The following GRB14 variants were observed in gnomAD, a reference collection of about 807,000 sequenced individuals.
GRB14 encodes growth factor receptor-bound protein 14.
GRB14 carries 38 observed loss-of-function variants against 69.1 expected under a neutral mutation model. The observed-to-expected ratio is 0.55, with a 90% CI of 0.42 to 0.72. The LOEUF is 0.72. Ranked by LOEUF, GRB14 falls within the 30% of genes least tolerant of loss-of-function variation. GRB14 has a pLI of 0.00. For synonymous variants in GRB14, 247 were observed against 241.3 expected (o/e 1.02, Z -0.22); for missense variants, 666 against 666.1 (o/e 1.00, Z 0.00).
intron 2 of GRB14, among the ~76,000 whole-genome samples, chr2:164,610,611 C>A (rs990400213): frequency 3.3e-5 from 5 of 151,644 alleles, no homozygotes; most frequent in Admixed American, 1.3e-4. Flanking sequence ...TAATTTTATT[C>A]TAATTTAATG....
chr2:164,594,716 A>G (rs571016339), intron 2 of GRB14, among the ~76,000 whole-genome samples: 44 of 152,340 alleles, frequency 2.9e-4, no homozygotes, highest in African/African-American at 8.4e-4. Context: ...AAACCTCTTC[A>G]TAAGTGATTC....
rs144301087 is a variant in GRB14 at position 164,493,140 on chromosome 2, G to A, written c.1519C>T (p.His507Tyr). The A allele has an allele frequency of 7.5e-4, 1,209 of 1,613,240 alleles. 10 individuals are homozygous for A. The highest frequency in any genetic ancestry group is 4.3e-3 in the Middle Eastern group (26 of 6,078). The change falls in exon 14 of 14, where the codon CAC becomes TAC. Residue 507 changes from histidine (H) to tyrosine (Y), a missense_variant. His to Tyr is a moderately conservative substitution (Grantham distance 83). Coordinates refer to ENST00000263915, the MANE Select transcript of GRB14 (RefSeq NM_004490.3). ...TGTATTAGATCTGTAAATCTTGTGT[G>A]GCCATCATCCAGTGTGTGGAACATT... is the stretch of plus-strand genomic sequence containing the variant. ...GEMFHTLDDG[H>Y]TRFTDLIQLV...
In GRB14 at chr2:164,515,640, A is replaced by C. The variant is rs544871640; in HGVS notation, c.816+6340T>G. ...GAACCAGAGAAACAATACTGGTAAT[A>C]TGACAAAACAAGTTACTTCTTACCC... On this transcript the variant is annotated intron_variant, in intron 6 of 13. Coordinates refer to ENST00000263915, the MANE Select transcript of GRB14 (RefSeq NM_004490.3). Among the ~76,000 whole-genome samples, 3 of 152,314 alleles carry C rather than the reference A, an allele frequency of 2.0e-5. No individual in the cohort carries two copies. The East Asian group carries it at 5.8e-4, about 29-fold the overall frequency.
intron 2 of GRB14, chr2:164,573,711 C>T (rs545806016): frequency 1.9e-6 from 3 of 1,601,264 alleles, no homozygotes; most frequent in Admixed American, 3.3e-5. Context: ...CTCTGACCTG[C>T]TATTCTAATT....
chr2:164,605,036 A>T (rs982174893), intron 2 of GRB14, among the ~76,000 whole-genome samples: 5 of 152,214 alleles, frequency 3.3e-5, no homozygotes, highest in Admixed American at 2.0e-4. Context: ...ATGCTTAATG[A>T]ATTTTATCTC....
At chr2:164,556,887 A>G (rs984405798) in intron 2 of GRB14, among the ~76,000 whole-genome samples, 5 of 152,212 alleles carry the variant, frequency 3.3e-5, no homozygotes, top group African/African-American at 1.2e-4. Flanking sequence ...CGATTCCTTC[A>G]GTGATGAAAG....
Position 164,494,534 on chromosome 2 carries a change from G to A in GRB14, c.1383-10C>T. On this transcript the variant is annotated splice_polypyrimidine_tract_variant and intron_variant, in intron 12 of 13. Coordinates refer to ENST00000263915, the MANE Select transcript of GRB14 (RefSeq NM_004490.3). The stretch of plus-strand genomic sequence containing the variant: ...CCGTACCAAGAAAACTCTAAAGAGA[G>A]AGAAGGAATTTCAATGTTTCTATAT... 7.5e-7 allele frequency: 1 copy of A among 1,339,360 alleles called. No individual in the cohort carries two copies. The highest frequency in any genetic ancestry group is 1.1e-6 in the Non-Finnish European group (1 of 930,178). The allele number at this position is 1,339,360 out of a possible 1,614,324, so 83.0% of individuals were successfully genotyped here. A position where few individuals can be genotyped will look rare whatever the true frequency, so the allele number is the denominator to read the frequency against.
At position 164,492,708 on chromosome 2, in the gene GRB14, A is replaced by G. The variant is rs1686787983; in HGVS notation, c.*328T>C. 1 of 178,292 alleles carries G rather than the reference A, an allele frequency of 5.6e-6. No homozygotes were observed. The highest frequency in any genetic ancestry group is 1.4e-4 in the East Asian group (1 of 7,026). The allele number at this position is 178,292 out of a possible 1,614,324, so 11.0% of individuals were successfully genotyped here. On this transcript the variant is annotated 3_prime_UTR_variant, in exon 14 of 14. Coordinates refer to ENST00000263915, the MANE Select transcript of GRB14 (RefSeq NM_004490.3). ...CAATTTATTTCATATTTTGTGTTTC[A>G]GAATTCTGATGTTGCTATATGGTAA...
chr2:164,610,567 T>G (rs779232521), intron 2 of GRB14, among the ~76,000 whole-genome samples: 16 of 152,032 alleles, frequency 1.1e-4, no homozygotes, highest in Non-Finnish European at 2.1e-4. Context: ...AAAAATATAA[T>G]TTATTTTGGT....
intron 2 of GRB14, among the ~76,000 whole-genome samples, chr2:164,564,826 T>A (rs1688929666): frequency 6.6e-6 from 1 of 152,098 alleles, no homozygotes; most frequent in Non-Finnish European, 1.5e-5. Context: ...CCATCATGGC[T>A]AACATGGTGA....
chr2:164,522,840 C>A (rs12477157), intron 5 of GRB14, among the ~76,000 whole-genome samples: 2 of 152,002 alleles, frequency 1.3e-5, no homozygotes, highest in African/African-American at 2.4e-5. Context: ...CCCTTGAATG[C>A]GAGCAAGCCT....
intron 2 of GRB14, among the ~76,000 whole-genome samples, chr2:164,548,325 T>C (rs1479360309): frequency 6.6e-6 from 1 of 152,218 alleles, no homozygotes; most frequent in Non-Finnish European, 1.5e-5. Context: ...TCATCCATGT[T>C]GTAGCAAATG....
At chr2:164,501,324 A>G (rs968220912) in intron 9 of GRB14, among the ~76,000 whole-genome samples, 2 of 152,070 alleles carry the variant, frequency 1.3e-5, no homozygotes, top group South Asian at 4.1e-4. Flanking sequence ...TGAGCATTTC[A>G]TCTACTACAT....
chr2:164,591,099 CT>C (rs1559064616), intron 2 of GRB14, among the ~76,000 whole-genome samples: 1 of 152,144 alleles, frequency 6.6e-6, no homozygotes, highest in Non-Finnish European at 1.5e-5. Flanking sequence ...TTTAACTGAG[CT>C]TTCCTCTCAA....
intron 2 of GRB14, among the ~76,000 whole-genome samples, chr2:164,559,663 A>T (rs967494260): frequency 1.3e-5 from 2 of 152,056 alleles, no homozygotes; most frequent in Non-Finnish European, 2.9e-5. Context: ...ATATAAATAT[A>T]CCAGTTTGTT....
At chr2:164,577,151 G>C (rs1438026137) in intron 2 of GRB14, among the ~76,000 whole-genome samples, 3 of 152,184 alleles carry the variant, frequency 2.0e-5, no homozygotes, top group Non-Finnish European at 4.4e-5. Context: ...CCAAATCCTA[G>C]ACGGTTTGAT....
intron 12 of GRB14, among the ~76,000 whole-genome samples, chr2:164,495,550 C>T (rs1291251157): frequency 6.6e-6 from 1 of 152,150 alleles, no homozygotes; most frequent in Non-Finnish European, 1.5e-5. Context: ...ACTGGCAGTG[C>T]AATGCAAAAC....
At chr2:164,604,619 T>C (rs1401342564) in intron 2 of GRB14, among the ~76,000 whole-genome samples, 1 of 151,984 alleles carries the variant, frequency 6.6e-6, no homozygotes, top group Admixed American at 6.6e-5. Context: ...AGCAATCATG[T>C]ATGAACAATC....
rs1478966316 is a variant in GRB14, at chr2:164,619,871, T to G, written c.192-52A>C. On this transcript the variant is annotated intron_variant, in intron 1 of 13. Coordinates refer to ENST00000263915, the MANE Select transcript of GRB14 (RefSeq NM_004490.3). Reference sequence around the variant, plus strand: ...TTTACATAAAACAGAATGTAAAATATAATTGCTGTCAGGAATAAAAAGTGT... The same window carrying G: ...TTTACATAAAACAGAATGTAAAATAGAATTGCTGTCAGGAATAAAAAGTGT... The G allele has an allele frequency of 3.4e-6, 5 of 1,473,590 alleles. No homozygotes were observed. In the African/African-American group the frequency reaches 7.0e-5, roughly 21 times the overall value. The allele number at this position is 1,473,590 out of a possible 1,614,324, so 91.3% of individuals were successfully genotyped here.
Sources: allele counts gnomAD v4.1 joint callset (sites outside exome capture counted in the v4.1 genomes callset), GRCh38; gene constraint gnomAD v4.1.1; transcripts MANE v1.5; gene names NCBI Gene and HGNC (gene_info 2026-07-23, HGNC 2026-07-21).